DMC1: variants seen among roughly 807,000 people sequenced by gnomAD.
DMC1 encodes meiotic recombination protein DMC1 homolog.
A neutral mutation model predicts 50.1 loss-of-function variants in DMC1; 27 were observed. That is an observed-to-expected ratio of 0.54 (90% confidence interval 0.40 to 0.74). DMC1 has a LOEUF of 0.74. Ranked by LOEUF, DMC1 falls within the 30% of genes least tolerant of loss-of-function variation. DMC1 has a pLI of 0.00. For missense variants in DMC1, 295 were observed against 420.2 expected (o/e 0.70, Z 2.60); for synonymous variants, 148 against 136.1 (o/e 1.09, Z -0.61).
intron 6 of DMC1, among the ~76,000 whole-genome samples, chr22:38,553,992 C>T (rs907995672): frequency 2.1e-5 from 3 of 143,268 alleles, no homozygotes; most frequent in South Asian, 4.5e-4. Flanking sequence ...ATCAGCCAGG[C>T]GTGGTGGCAG....
intron 8 of DMC1, chr22:38,549,722 C>T (rs1007564033): frequency 4.6e-5 from 25 of 540,044 alleles, no homozygotes; most frequent in Admixed American, 2.4e-4. Flanking sequence ...TTTGTTTTGT[C>T]TCATAAACCC....
At position 38,538,608 on chromosome 22, in the gene DMC1, T is replaced by A; in HGVS notation, c.591A>T (p.Glu197Asp). Residue 197 changes from glutamate to aspartate, a missense_variant, in exon 10 of 14, where the codon GAA (glutamate) becomes GAT (aspartate). By Grantham distance (45) the Glu-to-Asp change is conservative. Coordinates refer to ENST00000216024, the MANE Select transcript of DMC1 (RefSeq NM_007068.4). ...CATAATCAAGTAGCTCCATCTGATG[T>A]TCACCTGATGGGAAATGCAGTGAGA... The part of the protein sequence containing the change: ...NVLYARAYTS[E>D]HQMELLDYVA... The A allele has an allele frequency of 6.2e-7, 1 of 1,611,778 alleles. No individual in the cohort carries two copies. The highest frequency in any genetic ancestry group is 8.5e-7 in the Non-Finnish European group (1 of 1,177,884).
intron 8 of DMC1, chr22:38,549,224 C>G (rs566942984): frequency 6.6e-6 from 1 of 152,308 alleles, no homozygotes; most frequent in South Asian, 2.1e-4. Context: ...TTTAATTAAA[C>G]TGCAATTCGT....
chr22:38,551,559 A>ACTTCAGGAGATCCTCCTGC (rs2090411381), intron 7 of DMC1, among the ~76,000 whole-genome samples: 1 of 151,988 alleles, frequency 6.6e-6, no homozygotes, highest in Non-Finnish European at 1.5e-5. Flanking sequence ...CAAACTCCTG[A>ACTTCAGGAGATCCTCCTGC]CTTCAGGAGA....
At chr22:38,514,934 A>AT (rs1209032255), downstream of DMC1, among the ~76,000 whole-genome samples, 7 of 136,838 alleles carry the variant, frequency 5.1e-5, no homozygotes, top group South Asian at 1.6e-3. Context: ...TGGAATAGCC[A>AT]TTTTTTTATT....
intron 8 of DMC1, 105 bp from the exon 9 acceptor site, chr22:38,539,517 A>G: frequency 2.3e-6 from 2 of 877,634 alleles, no homozygotes; most frequent in Non-Finnish European, 3.8e-6. Flanking sequence ...AAGCCAAACA[A>G]TGTACCTGTG....
At chr22:38,543,442 G>A (rs966091612) in intron 8 of DMC1, among the ~76,000 whole-genome samples, 2 of 151,978 alleles carry the variant, frequency 1.3e-5, no homozygotes, top group African/African-American at 4.8e-5. Context: ...TGTTAGCCAG[G>A]ATGGTCTTGA....
chr22:38,518,506 T>G (rs2089991625), downstream of DMC1, among the ~76,000 whole-genome samples: 1 of 152,192 alleles, frequency 6.6e-6, no homozygotes, highest in East Asian at 1.9e-4. Flanking sequence ...CAAATGGTAC[T>G]TCGAATACTT....
At chr22:38,517,726 G>A (rs973430757), downstream of DMC1, among the ~76,000 whole-genome samples, 5 of 152,168 alleles carry the variant, frequency 3.3e-5, no homozygotes, top group African/African-American at 1.2e-4. Flanking sequence ...ACGAAAATAA[G>A]CCATTTAAGT....
At chr22:38,536,857 AT>A (rs376083937) in intron 12 of DMC1, among the ~76,000 whole-genome samples, 39 of 150,190 alleles carry the variant, frequency 2.6e-4, no homozygotes, top group East Asian at 1.6e-3. Context: ...CAATAAAGTG[AT>A]TTTTTTTTTG....
intron 8 of DMC1, among the ~76,000 whole-genome samples, chr22:38,544,282 G>A (rs1366323015): frequency 1.3e-5 from 2 of 152,192 alleles, no homozygotes; most frequent in African/African-American, 4.8e-5. Context: ...TGGCAAACCT[G>A]CCTTTCATTC....
rs532546379 is a variant in DMC1, at chr22:38,548,195, A to T, written c.494+1730T>A. 5.9e-5 allele frequency among the ~76,000 whole-genome samples: 9 copies of T among 152,166 alleles called. No homozygotes were observed. In the South Asian group the frequency reaches 1.9e-3, roughly 32 times the overall value. ...TCTTTCCCCCTTGGTTAATTCGTCC[A>T]TATTTCTGGGCCTACCCCTTTCTCA... is the stretch of plus-strand genomic sequence containing the variant. On this transcript the variant is annotated intron_variant, in intron 8 of 13. Transcript: ENST00000216024.
chr22:38,528,231 C>T lies in DMC1; in HGVS notation c.837-6507G>A, dbSNP rs1012863535. On this transcript the variant is annotated intron_variant, in intron 12 of 13. Transcript: ENST00000216024. The stretch of plus-strand genomic sequence containing the variant: ...TGTGCGCCATCACACTCAGCTAATT[C>T]TTTTGTACTTTTAGGAGATACAGAG... Among the ~76,000 whole-genome samples, 11 of 151,504 alleles carry T rather than the reference C, an allele frequency of 7.3e-5. No individual in the cohort carries two copies. The East Asian group carries it at 8.0e-4, about 11-fold the overall frequency.
intron 8 of DMC1, among the ~76,000 whole-genome samples, chr22:38,548,435 C>T (rs1433564436): frequency 2.6e-5 from 4 of 152,114 alleles, no homozygotes; most frequent in African/African-American, 9.6e-5. Context: ...ATTAGCCAGG[C>T]GTGGTGGTAT....
intron 8 of DMC1, 27 bp from the exon 9 acceptor site, chr22:38,539,439 A>T (rs1203402317): frequency 6.3e-7 from 1 of 1,588,404 alleles, no homozygotes; most frequent in East Asian, 2.2e-5. Context: ...TTAAGGATCC[A>T]ATAAGTCAAT....
rs2090255835 is a variant in DMC1 at position 38,539,419 on chromosome 22, T to C, written c.495-7A>G. On this transcript the variant is annotated splice_polypyrimidine_tract_variant and splice_region_variant and intron_variant, in intron 8 of 13. Coordinates refer to ENST00000216024, the MANE Select transcript of DMC1 (RefSeq NM_007068.4). ...CCTAAGGCGATCTGGACGGCTGGAG[T>C]ATGCCAAGATTAAGGATCCAATAAG... 6.2e-7 allele frequency: 1 copy of C among 1,612,378 alleles called. No homozygotes were observed. The highest frequency in any genetic ancestry group is 1.3e-5 in the African/African-American group (1 of 74,944).
intron 5 of DMC1, among the ~76,000 whole-genome samples, 198 bp downstream of exon 5, chr22:38,562,089 T>A (rs1050221542): frequency 3.3e-5 from 5 of 152,192 alleles, no homozygotes; most frequent in African/African-American, 1.2e-4. Flanking sequence ...TCTGAATTTC[T>A]TGTAAGACAT....
downstream of DMC1, among the ~76,000 whole-genome samples, chr22:38,514,246 CTTTTTTTTT>C (rs142872124): frequency 1.4e-5 from 1 of 71,310 alleles, no homozygotes; most frequent in Non-Finnish European, 2.6e-5. Flanking sequence ...GTTAGGTATT[CTTTTTTTTT>C]TTTTTTTTTT....
At chr22:38,565,345 T>G (rs949276502) in intron 4 of DMC1, among the ~76,000 whole-genome samples, 3 of 152,136 alleles carry the variant, frequency 2.0e-5, no homozygotes, top group African/African-American at 7.2e-5. Context: ...CAGAAGCAAC[T>G]TTCCATAAGA....
Sources: gnomAD v4.1 joint callset for allele counts (sites outside exome capture counted in the v4.1 genomes callset) on GRCh38, gnomAD v4.1.1 for gene constraint, MANE v1.5 for transcripts, NCBI Gene and HGNC (gene_info 2026-07-23, HGNC 2026-07-21) for gene names.